The following USP48 variants were observed in gnomAD, a reference collection of about 807,000 sequenced individuals.
The protein encoded by USP48 is ubiquitin carboxyl-terminal hydrolase 48.
In USP48, 43 loss-of-function variants were observed where a neutral mutation model predicts 150.7. That is an observed-to-expected ratio of 0.29 (90% CI 0.22 to 0.37). The LOEUF (loss-of-function observed/expected upper bound fraction) is 0.37, where lower values mean the gene tolerates loss of function less well. Ranked by LOEUF, USP48 falls within the 10% of genes least tolerant of loss-of-function variation. The pLI is 1.00. For missense variants in USP48, 813 were observed against 1,249.6 expected (o/e 0.65, Z 5.27); for synonymous variants, 396 against 425.9 (o/e 0.93, Z 0.86).
intron 25 of USP48, among the ~76,000 whole-genome samples, chr1:21,684,491 C>A (rs765009543): frequency 1.3e-5 from 2 of 152,154 alleles, no homozygotes; most frequent in Non-Finnish European, 2.9e-5. Flanking sequence ...TCCCATTCTA[C>A]AGGTTGTCTC....
intron 1 of USP48, among the ~76,000 whole-genome samples, chr1:21,762,865 C>CA (rs34834573): frequency 0.15 from 11,461 of 74,996 alleles, 864 homozygotes; most frequent in East Asian, 0.37. Context: ...GACTTCATCT[C>CA]AAAAAAAAAA....
chr1:21,736,465 T>C lies in USP48; in HGVS notation c.1152A>G (p.Leu384=). The C allele has an allele frequency of 6.2e-7, 1 of 1,611,630 alleles. No homozygotes were observed. The highest frequency in any genetic ancestry group is 1.1e-5 in the South Asian group (1 of 90,516). ...IEKMEGKKLQ[L]GIEEDLAEPS... is the part of the protein sequence containing the mutation. ...TTTTACCTAGATCTTCCTCAATCCC[T>C]AGTTGTAATTTCTTCCCCTCCATCT... Residue 384 remains leucine (L), a synonymous_variant, in exon 9 of 27, where the codon CTA becomes CTG. Coordinates refer to ENST00000308271, the MANE Select transcript of USP48 (RefSeq NM_032236.8).
intron 1 of USP48, among the ~76,000 whole-genome samples, chr1:21,776,965 AT>A (rs762718330): frequency 2.0e-5 from 3 of 147,608 alleles, no homozygotes; most frequent in Non-Finnish European, 4.5e-5. Flanking sequence ...AAAAAAAAAA[AT>A]TAGCCAGGTG....
intron 9 of USP48, among the ~76,000 whole-genome samples, chr1:21,734,386 A>T (rs575409842): frequency 3.3e-5 from 5 of 152,178 alleles, no homozygotes; most frequent in Non-Finnish European, 7.4e-5. Flanking sequence ...GCAACAGAGC[A>T]AGACTCTGTC....
intron 1 of USP48, 114 bp from the exon 2 acceptor site, chr1:21,757,897 A>G (rs2097840861): frequency 2.3e-6 from 3 of 1,292,958 alleles, no homozygotes; most frequent in Admixed American, 3.0e-5. Flanking sequence ...CAAAACTGAG[A>G]AAGTATAAGA....
intron 3 of USP48, among the ~76,000 whole-genome samples, chr1:21,755,489 G>A (rs936473719): frequency 6.6e-6 from 1 of 152,298 alleles, no homozygotes; most frequent in Non-Finnish European, 1.5e-5. Flanking sequence ...TTGAGCCTGG[G>A]AGGTTGAGGC....
chr1:21,687,303 G>T (rs184626341), intron 24 of USP48, 64 bp from the exon 25 acceptor site: 3 of 1,469,294 alleles, frequency 2.0e-6, no homozygotes, highest in African/African-American at 2.8e-5. Flanking sequence ...TTGAAGTATG[G>T]CCCATGATTC....
chr1:21,770,046 G>A lies in USP48; in HGVS notation c.135-12263C>T, dbSNP rs565144638. Among the ~76,000 whole-genome samples the A allele has an allele frequency of 5.3e-5, 8 of 151,926 alleles. No individual in the cohort carries two copies. The South Asian group carries it at 1.7e-3, about 32-fold the overall frequency. On this transcript the variant is annotated intron_variant, in intron 1 of 26. Transcript: ENST00000308271. ...ACTGAAATAATGTACAGCACTGTTG[G>A]TCCCATTGGCTCATGCTTATAATCC...
At chr1:21,701,671 G>T in intron 21 of USP48, 69 bp from the exon 22 acceptor site, 2 of 1,246,890 alleles carry the variant, frequency 1.6e-6, no homozygotes, top group Non-Finnish European at 2.3e-6. Flanking sequence ...AGGATGTGGG[G>T]GCTGGGACCG....
intron 1 of USP48, among the ~76,000 whole-genome samples, chr1:21,777,121 AAAAC>A (rs2097901725): frequency 6.6e-6 from 1 of 151,568 alleles, no homozygotes; most frequent in South Asian, 2.1e-4. Flanking sequence ...CTGAAAAAAA[AAAAC>A]AAAACACCAA....
intron 23 of USP48, among the ~76,000 whole-genome samples, chr1:21,694,803 T>A (rs954416269): frequency 2.0e-5 from 3 of 152,072 alleles, no homozygotes; most frequent in Non-Finnish European, 4.4e-5. Context: ...AGAGAACAGT[T>A]ATCCTGGCAC....
In USP48 at chr1:21,690,010, G is replaced by C; in HGVS notation, c.2973C>G (p.Thr991=). 1 of 1,614,010 alleles carries C rather than the reference G, an allele frequency of 6.2e-7. No homozygotes were observed. Among genetic ancestry groups the C allele is most frequent in the South Asian group, 1.1e-5 (1 of 91,048 alleles). The change falls in exon 24 of 27, where the codon ACC becomes ACG. Residue 991 remains threonine (T), a synonymous_variant. Transcript: ENST00000308271. ...ILSDDCATLG[T]LGVIPESVIL... ...TGACAGATTCAGGAATGACGCCAAG[G>C]GTGCCTAGGGTGGCACAGTCATCAC...
rs1309670304 is a variant in USP48, at chr1:21,708,890, AAAAAAAAAAAAAGAAAGAAAAG to A, written c.1964-2044_1964-2023del. On this transcript the variant is annotated intron_variant, in intron 15 of 26. Transcript: ENST00000308271. ...ACAGAGCAAGACTCCGTCTCAAAAA[AAAAAAAAAAAAAGAAAGAAAAG>A]AAAAGAAAAGAAAAGAAAACAGAGT... Among the ~76,000 whole-genome samples, 15 of 57,174 alleles carry A rather than the reference AAAAAAAAAAAAAGAAAGAAAAG, an allele frequency of 2.6e-4. No individual in the cohort carries two copies. The South Asian group carries it at 2.7e-3, about 10-fold the overall frequency. 37.5% of individuals were successfully genotyped at this position (57,174 alleles called of 152,430 possible). A position where few individuals can be genotyped will look rare whatever the true frequency, so the allele number is the denominator to read the frequency against.
intron 1 of USP48, chr1:21,768,299 G>T: frequency 5.9e-6 from 1 of 170,416 alleles, no homozygotes; most frequent in East Asian, 1.6e-4. Context: ...TACAGAGACT[G>T]AGCAGTGCAT....
At chr1:21,706,907 G>T in intron 15 of USP48, 39 bp from the exon 16 acceptor site, 2 of 1,532,378 alleles carry the variant, frequency 1.3e-6, no homozygotes, top group Non-Finnish European at 1.8e-6. Flanking sequence ...AAAAAAAACA[G>T]CTGAAAAAAA....
At chr1:21,773,503 T>C (rs1557618281) in intron 1 of USP48, among the ~76,000 whole-genome samples, 1 of 151,710 alleles carries the variant, frequency 6.6e-6, no homozygotes, top group Non-Finnish European at 1.5e-5. Context: ...TCTATAAAAC[T>C]AAAAAATAAA....
intron 6 of USP48, among the ~76,000 whole-genome samples, chr1:21,750,661 T>C (rs1404271236): frequency 6.6e-6 from 1 of 151,968 alleles, no homozygotes; most frequent in African/African-American, 2.4e-5. Context: ...TCACCTGAGG[T>C]TGGGAGTTTG....
chr1:21,714,218 A>G (rs182287247), intron 15 of USP48, among the ~76,000 whole-genome samples: 153 of 152,322 alleles, frequency 1.0e-3, no homozygotes, highest in Middle Eastern at 3.4e-3. Flanking sequence ...ACACATGAAC[A>G]TGGGTTAACA....
At chr1:21,772,706 G>C (rs1465951145) in intron 1 of USP48, among the ~76,000 whole-genome samples, 1 of 151,682 alleles carries the variant, frequency 6.6e-6, no homozygotes, top group Admixed American at 6.6e-5. Context: ...TGGATCACCT[G>C]AGGTCAGGTA....
Sources: allele counts gnomAD v4.1 joint callset (sites outside exome capture counted in the v4.1 genomes callset), GRCh38; gene constraint gnomAD v4.1.1; transcripts MANE v1.5; gene names NCBI Gene and HGNC (gene_info 2026-07-23, HGNC 2026-07-21).